Variants in CERS6 observed in about 807,000 individuals in gnomAD.
CERS6 encodes the protein LAG1 homolog, ceramide synthase 6.
In CERS6, 26 loss-of-function variants were observed where a neutral mutation model predicts 56.8. The observed-to-expected ratio is 0.46, with a 90% confidence interval of 0.34 to 0.63. The LOEUF is 0.63. Ranked by LOEUF, CERS6 falls within the 30% of genes least tolerant of loss-of-function variation. The pLI is 0.01. For synonymous variants in CERS6, 164 were observed against 173.3 expected (o/e 0.95, Z 0.42); for missense variants, 415 against 467.5 (o/e 0.89, Z 1.04).
intron 4 of CERS6, among the ~76,000 whole-genome samples, chr2:168,636,679 C>T (rs541247971): frequency 1.3e-5 from 2 of 152,296 alleles, no homozygotes; most frequent in African/African-American, 2.4e-5. Flanking sequence ...TCTTGAATAA[C>T]GAAAGGAAAT....
chr2:168,616,483 C>T (rs1684320966), intron 3 of CERS6, among the ~76,000 whole-genome samples: 1 of 152,140 alleles, frequency 6.6e-6, no homozygotes, highest in Non-Finnish European at 1.5e-5. Flanking sequence ...TTGCTGCCTT[C>T]AAGAGACTTA....
chr2:168,458,892 A>G (rs1693727407), intron 1 of CERS6, among the ~76,000 whole-genome samples: 2 of 152,176 alleles, frequency 1.3e-5, no homozygotes, highest in Admixed American at 1.3e-4. Flanking sequence ...TCAAACCTAA[A>G]TGACATATTC....
intron 1 of CERS6, among the ~76,000 whole-genome samples, chr2:168,498,168 T>G (rs774882320): frequency 2.6e-5 from 4 of 152,172 alleles, no homozygotes; most frequent in Non-Finnish European, 5.9e-5. Flanking sequence ...TTTGCCAACA[T>G]TTAAAACCCT....
At chr2:168,531,428 GA>G (rs1247021157) in intron 1 of CERS6, among the ~76,000 whole-genome samples, 1 of 152,204 alleles carries the variant, frequency 6.6e-6, no homozygotes, top group Non-Finnish European at 1.5e-5. Flanking sequence ...CTGGCTTGGA[GA>G]AAGGCAGTTG....
intron 6 of CERS6, among the ~76,000 whole-genome samples, chr2:168,704,257 T>C (rs1475323075): frequency 6.6e-6 from 1 of 152,124 alleles, no homozygotes; most frequent in Non-Finnish European, 1.5e-5. Flanking sequence ...TCTTCCAGTG[T>C]GCTGCAGAGG....
At chr2:168,509,222 A>G (rs995720029) in intron 1 of CERS6, among the ~76,000 whole-genome samples, 8 of 152,246 alleles carry the variant, frequency 5.3e-5, no homozygotes, top group African/African-American at 1.9e-4. Context: ...CTTAAACAGT[A>G]TCACCCAAAA....
intron 4 of CERS6, among the ~76,000 whole-genome samples, chr2:168,646,978 T>C (rs1426454464): frequency 2.0e-5 from 3 of 152,224 alleles, no homozygotes; most frequent in Admixed American, 2.0e-4. Context: ...TATCTCCAGC[T>C]TTGTTCTTTT....
chr2:168,547,990 G>T (rs1336558886), intron 2 of CERS6, among the ~76,000 whole-genome samples: 2 of 152,216 alleles, frequency 1.3e-5, no homozygotes, highest in Non-Finnish European at 2.9e-5. Flanking sequence ...TGTGAAGCAA[G>T]ATGTGACTAG....
intron 6 of CERS6, among the ~76,000 whole-genome samples, chr2:168,703,617 T>C (rs1276767508): frequency 6.6e-6 from 1 of 152,094 alleles, no homozygotes; most frequent in Non-Finnish European, 1.5e-5. Context: ...TGCATCAGCA[T>C]ATCCTTTCTT....
chr2:168,486,524 GT>G (rs760111727), intron 1 of CERS6, among the ~76,000 whole-genome samples: 80 of 120,036 alleles, frequency 6.7e-4, no homozygotes, highest in East Asian at 1.0e-3. Flanking sequence ...ATTTGGTTTT[GT>G]TTTTTTTTTT....
At chr2:168,593,072 TAGC>T (rs1387669610) in intron 3 of CERS6, among the ~76,000 whole-genome samples, 3 of 152,222 alleles carry the variant, frequency 2.0e-5, no homozygotes, top group Non-Finnish European at 4.4e-5. Context: ...CTTTGAAAGC[TAGC>T]AGCATAACAT....
At chr2:168,466,324 A>G (rs1376590376) in intron 1 of CERS6, among the ~76,000 whole-genome samples, 1 of 152,230 alleles carries the variant, frequency 6.6e-6, no homozygotes. Flanking sequence ...CACCCTGGTA[A>G]GTACACAATC....
intron 1 of CERS6, among the ~76,000 whole-genome samples, chr2:168,502,938 G>A (rs1201930525): frequency 2.0e-5 from 3 of 152,178 alleles, no homozygotes; most frequent in African/African-American, 7.2e-5. Context: ...CAGGGTGAGA[G>A]AAGGGTGTCT....
At chr2:168,675,944 C>CA (rs1686047945) in intron 4 of CERS6, among the ~76,000 whole-genome samples, 1 of 152,114 alleles carries the variant, frequency 6.6e-6, no homozygotes, top group African/African-American at 2.4e-5. Flanking sequence ...CTCGGCCTCC[C>CA]AAAGTGCTGA....
At chr2:168,710,160 C>T (rs1244105875) in intron 6 of CERS6, among the ~76,000 whole-genome samples, 2 of 152,080 alleles carry the variant, frequency 1.3e-5, no homozygotes, top group Non-Finnish European at 2.9e-5. Context: ...AAACAAGGCT[C>T]TTGTTTTTAA....
chr2:168,701,234 A>G (rs888232545), intron 6 of CERS6, among the ~76,000 whole-genome samples: 1 of 152,200 alleles, frequency 6.6e-6, no homozygotes, highest in Non-Finnish European at 1.5e-5. Flanking sequence ...TAATTGCTGC[A>G]TATCTTAGCT....
intron 1 of CERS6, among the ~76,000 whole-genome samples, chr2:168,521,050 G>A (rs749758392): frequency 3.9e-5 from 6 of 152,172 alleles, no homozygotes; most frequent in African/African-American, 9.6e-5. Flanking sequence ...AGACATATAC[G>A]TTTCTGTTTT....
intron 1 of CERS6, among the ~76,000 whole-genome samples, chr2:168,512,471 C>T (rs1172805542): frequency 1.3e-5 from 2 of 151,866 alleles, no homozygotes; most frequent in African/African-American, 2.4e-5. Context: ...TGAGATTTTT[C>T]TTTACTTTAT....
intron 8 of CERS6, among the ~76,000 whole-genome samples, chr2:168,755,438 G>C (rs1684388762): frequency 6.6e-6 from 1 of 152,132 alleles, no homozygotes; most frequent in Non-Finnish European, 1.5e-5. Context: ...TCAGCATGGA[G>C]GCATAAAGAT....
Sources: gnomAD v4.1 joint callset for allele counts (sites outside exome capture counted in the v4.1 genomes callset) on GRCh38, gnomAD v4.1.1 for gene constraint, MANE v1.5 for transcripts, NCBI Gene and HGNC (gene_info 2026-07-23, HGNC 2026-07-21) for gene names.